The following NEURL4 variants were observed in gnomAD, a reference collection of about 807,000 sequenced individuals.
The protein encoded by NEURL4 is neuralized-like protein 4.
A neutral mutation model predicts 148.0 loss-of-function variants in NEURL4; 45 were observed. The ratio of observed to expected loss-of-function variants is 0.30; its 90% CI spans 0.24 to 0.39. NEURL4 has a LOEUF of 0.39. Ranked by LOEUF, NEURL4 falls within the 10% of genes least tolerant of loss-of-function variation. The probability of loss-of-function intolerance (pLI) is 1.00; values close to 1 mark genes in which losing one functional copy is unlikely to be tolerated. For missense variants in NEURL4, 1,776 were observed against 2,144.0 expected (o/e 0.83, Z 3.39); for synonymous variants, 854 against 869.0 (o/e 0.98, Z 0.30).
chr17:7,320,651 C>T, intron 21 of NEURL4, 108 bp downstream of exon 21: 4 of 1,001,936 alleles, frequency 4.0e-6, no homozygotes, highest in Non-Finnish European at 5.9e-6. Flanking sequence ...GAAGCTCATC[C>T]AAGTGGCTTG....
Position 7,323,806 on chromosome 17 carries a change from A to T in NEURL4, c.2261+8T>A, listed in dbSNP as rs2073063107. Reference sequence around the variant, plus strand: ...GGAAGGTGGGGACATGAAAGTTGAGAGACTGACCGGTTGGAGATGACGATG... The same window carrying T: ...GGAAGGTGGGGACATGAAAGTTGAGTGACTGACCGGTTGGAGATGACGATG... On this transcript the variant is annotated splice_region_variant and intron_variant, in intron 12 of 28. Transcript: ENST00000399464. 1 of 1,613,998 alleles carries T rather than the reference A, an allele frequency of 6.2e-7. No individual in the cohort carries two copies. Among genetic ancestry groups the T allele is most frequent in the African/African-American group, 1.3e-5 (1 of 74,928 alleles).
rs755343192 is a variant in NEURL4 at position 7,324,354 on chromosome 17, A to G, written c.1899+41T>C. 5.0e-6 allele frequency: 8 copies of G among 1,613,794 alleles called. No individual in the cohort carries two copies. Among genetic ancestry groups the G allele is most frequent in the Admixed American group, 3.3e-5 (2 of 60,000 alleles). ...CTGCATCAGCCCCGCGGTGTTTGTG[A>G]TGCCCGCTGCGGCCGCCAGGCGGCG... On this transcript the variant is annotated intron_variant, in intron 10 of 28. Transcript: ENST00000399464. The surrounding 1 kb of genome is among the most constrained non-coding windows in gnomAD (Gnocchi z 5.9).
chr17:7,317,608 G>A (rs1256172420), intron 26 of NEURL4, 35 bp from the exon 27 acceptor site: 1 of 1,595,874 alleles, frequency 6.3e-7, no homozygotes. Context: ...ATACAACGAA[G>A]GCCACTGACT....
At position 7,321,909 on chromosome 17, in the gene NEURL4, G is replaced by A. The variant is rs1028492813; in HGVS notation, c.2827C>T (p.Leu943Phe). ...CTCAGCTCCTTGGTACTGAAGACAA[G>A]GCCATGAGCATAGCCAGCGGCACGC... is the stretch of plus-strand genomic sequence containing the variant. ...AVRAAGYAHG[L>F]VFSTKELRAE... Residue 943 changes from leucine to phenylalanine, a missense_variant, in exon 17 of 29, where the codon CTT (leucine) becomes TTT (phenylalanine). Physicochemically the swap from Leu to Phe is conservative, Grantham distance 22. Transcript: ENST00000399464. This position sits in a 1 kb window ranked among gnomAD's most constrained non-coding sequence, Gnocchi z 6.3. 2 of 1,613,890 alleles carry A rather than the reference G, an allele frequency of 1.2e-6. No individual in the cohort carries two copies. Among genetic ancestry groups the A allele is most frequent in the Non-Finnish European group, 1.7e-6 (2 of 1,180,016 alleles).
intron 1 of NEURL4, 132 bp from the exon 2 acceptor site, chr17:7,328,016 T>C: frequency 1.4e-6 from 1 of 704,822 alleles, no homozygotes; most frequent in Non-Finnish European, 2.3e-6. Context: ...ATGCAGACAG[T>C]GATTTTCTGG....
chr17:7,327,100 T>C lies in NEURL4; in HGVS notation c.793+65A>G. 1 of 1,601,354 alleles carries C rather than the reference T, an allele frequency of 6.2e-7. No homozygotes were observed. Among genetic ancestry groups the C allele is most frequent in the Non-Finnish European group, 8.5e-7 (1 of 1,174,312 alleles). ...GTGCCTCTCTCCCTACCCCTTCTCC[T>C]GAGGGCCCTCCCTTGTCCACCTCAC... On this transcript the variant is annotated intron_variant, in intron 3 of 28. Transcript: ENST00000399464. The surrounding 1 kb of genome is among the most constrained non-coding windows in gnomAD (Gnocchi z 6.6).
At position 7,327,988 on chromosome 17, in the gene NEURL4, T is replaced by C. The variant is rs2073125797; in HGVS notation, c.283-104A>G. ...GACAGCTAGCTGGCTTTCTGTCTCTTGGAACACTAATCCAGAGATGCAGAC... is the reference window on the plus strand; with the variant it reads ...GACAGCTAGCTGGCTTTCTGTCTCTCGGAACACTAATCCAGAGATGCAGAC... On this transcript the variant is annotated intron_variant, in intron 1 of 28. Transcript: ENST00000399464. This position sits in a 1 kb window ranked among gnomAD's most constrained non-coding sequence, Gnocchi z 6.6. 4 of 876,616 alleles carry C rather than the reference T, an allele frequency of 4.6e-6. No individual in the cohort carries two copies. Among genetic ancestry groups the C allele is most frequent in the Non-Finnish European group, 6.8e-6 (4 of 585,168 alleles). The allele number at this position is 876,616 out of a possible 1,614,324, so 54.3% of individuals were successfully genotyped here.
At position 7,324,397 on chromosome 17, in the gene NEURL4, T is replaced by C; in HGVS notation, c.1897A>G (p.Lys633Glu). The change falls in exon 10 of 29, where the codon AAG becomes GAG. Residue 633 changes from lysine (K) to glutamate (E), a missense_variant and splice_region_variant. Coordinates refer to ENST00000399464, the MANE Select transcript of NEURL4 (RefSeq NM_032442.3). The surrounding 1 kb of genome is among the most constrained non-coding windows in gnomAD (Gnocchi z 5.9). Reference sequence around the variant, plus strand: ...AGGCGGCGCACCCACTTTCCCACCTTGAGGCGGTCCAGATTGTGCCCGTAT... The same window carrying C: ...AGGCGGCGCACCCACTTTCCCACCTCGAGGCGGTCCAGATTGTGCCCGTAT... ...DEYGHNLDRL[K>E]AGDTVGVVRR... 6.2e-7 allele frequency: 1 copy of C among 1,613,622 alleles called. No individual in the cohort carries two copies. Among genetic ancestry groups the C allele is most frequent in the Non-Finnish European group, 8.5e-7 (1 of 1,179,538 alleles).
In NEURL4 at chr17:7,321,513, A is replaced by G. The variant is rs776390991; in HGVS notation, c.3099+47T>C. On this transcript the variant is annotated intron_variant, in intron 18 of 28. Coordinates refer to ENST00000399464, the MANE Select transcript of NEURL4 (RefSeq NM_032442.3). The surrounding 1 kb of genome is among the most constrained non-coding windows in gnomAD (Gnocchi z 6.3). ...GATGTTCAGCCCACCTCTCCCTGCCACCTCCACTCCCAACCCCTCCCCTGT... is the reference window on the plus strand; with the variant it reads ...GATGTTCAGCCCACCTCTCCCTGCCGCCTCCACTCCCAACCCCTCCCCTGT... The G allele has an allele frequency of 1.2e-6, 2 of 1,611,112 alleles. No individual in the cohort carries two copies. Among genetic ancestry groups the G allele is most frequent in the Non-Finnish European group, 1.7e-6 (2 of 1,178,274 alleles).
In NEURL4 at chr17:7,324,264, C is replaced by A. The variant is rs2073071619; in HGVS notation, c.1906G>T (p.Asp636Tyr). Reference sequence around the variant, plus strand: ...TCCCGCCGTACCACGCCCACCGTGTCCCCTGCCTTGGAAGAAGGGGGTGCT... The same window carrying A: ...TCCCGCCGTACCACGCCCACCGTGTACCCTGCCTTGGAAGAAGGGGGTGCT... The part of the protein sequence containing the change: ...GHNLDRLKAG[D>Y]TVGVVRREDG... The change falls in exon 11 of 29, where the codon GAC becomes TAC. Residue 636 changes from aspartate (D) to tyrosine (Y), a missense_variant. By Grantham distance (160) the Asp-to-Tyr change is radical. Transcript: ENST00000399464. This position sits in a 1 kb window ranked among gnomAD's most constrained non-coding sequence, Gnocchi z 5.9. 6.2e-7 allele frequency: 1 copy of A among 1,613,872 alleles called. No homozygotes were observed. The highest frequency in any genetic ancestry group is 8.5e-7 in the Non-Finnish European group (1 of 1,179,960).
At position 7,324,931 on chromosome 17, in the gene NEURL4, G is replaced by C; in HGVS notation, c.1681C>G (p.Arg561Gly). 1 of 1,614,130 alleles carries C rather than the reference G, an allele frequency of 6.2e-7. No homozygotes were observed. Reference sequence around the variant, plus strand: ...CGCACCTGGAACACCTCTCCATCCCGCAGGGCTCTGCTGCTCAGCACCACG... The same window carrying C: ...CGCACCTGGAACACCTCTCCATCCCCCAGGGCTCTGCTGCTCAGCACCACG... ...HGVVLSSRAL[R>G]DGEVFQVRID... The change falls in exon 9 of 29, where the codon CGG (arginine) becomes GGG (glycine). Residue 561 changes from arginine (R) to glycine (G), a missense_variant. Coordinates refer to ENST00000399464, the MANE Select transcript of NEURL4 (RefSeq NM_032442.3). The surrounding 1 kb of genome is among the most constrained non-coding windows in gnomAD (Gnocchi z 5.9).
intron 8 of NEURL4, 29 bp downstream of exon 8, chr17:7,325,180 C>T: frequency 2.9e-6 from 2 of 691,456 alleles, no homozygotes; most frequent in Admixed American, 2.6e-5. Flanking sequence ...ATCCCTTCTT[C>T]AGGCTTCTCC....
rs186277133 is a variant in NEURL4, at chr17:7,321,484, G to A, written c.3100-25C>T. 192 of 1,613,404 alleles carry A rather than the reference G, an allele frequency of 1.2e-4. No individual in the cohort carries two copies. Among genetic ancestry groups the A allele is most frequent in the Non-Finnish European group, 1.5e-4 (177 of 1,179,508 alleles). ...CCTAGGACCGAGGTAGGACAAGGACGGACGATGTTCAGCCCACCTCTCCCT... is the reference window on the plus strand; with the variant it reads ...CCTAGGACCGAGGTAGGACAAGGACAGACGATGTTCAGCCCACCTCTCCCT... On this transcript the variant is annotated intron_variant, in intron 18 of 28. Transcript: ENST00000399464. The surrounding 1 kb of genome is among the most constrained non-coding windows in gnomAD (Gnocchi z 6.3).
In NEURL4 at chr17:7,322,261, T is replaced by G. The variant is rs2134509; in HGVS notation, c.2726-251A>C. 0.44 allele frequency among the ~76,000 whole-genome samples: 66,583 copies of G among 151,862 alleles called. 15,113 individuals carry two copies. The highest frequency in any genetic ancestry group is 0.56 in the South Asian group (2,691 of 4,820). On this transcript the variant is annotated intron_variant, in intron 16 of 28. Transcript: ENST00000399464. This position sits in a 1 kb window ranked among gnomAD's most constrained non-coding sequence, Gnocchi z 5.5. ...CAGCCTCGACTTCCTGGGATCCAGC[T>G]ATCCTCCCACCTCAGCCTCTCAAGT...
At position 7,320,812 on chromosome 17, in the gene NEURL4, T is replaced by C. The variant is rs1402171715; in HGVS notation, c.3472A>G (p.Asn1158Asp). 1 of 1,614,128 alleles carries C rather than the reference T, an allele frequency of 6.2e-7. No homozygotes were observed. Among genetic ancestry groups the C allele is most frequent in the Non-Finnish European group, 8.5e-7 (1 of 1,180,002 alleles). The change falls in exon 21 of 29, where the codon AAT becomes GAT. Residue 1158 changes from asparagine to aspartate, a missense_variant. Coordinates refer to ENST00000399464, the MANE Select transcript of NEURL4 (RefSeq NM_032442.3). ...TGGTTGATGACAACGATGCCCTGAT[T>C]GTAGCTGGCCACCCGTGTGGCCGTA... ...NRTATRVASY[N>D]QGIVVINQPL...
At position 7,318,596 on chromosome 17, in the gene NEURL4, C is replaced by A. The variant is rs1329159203; in HGVS notation, c.3763G>T (p.Gly1255Trp). Residue 1255 changes from glycine (G) to tryptophan (W), a missense_variant, in exon 23 of 29, where the codon GGG becomes TGG. Physicochemically the swap from Gly to Trp is radical, Grantham distance 184. Transcript: ENST00000399464. This position sits in a 1 kb window ranked among gnomAD's most constrained non-coding sequence, Gnocchi z 4.3. Reference sequence around the variant, plus strand: ...ACCCCATTAACATGAAGATGCAGCCCCCCAGAGCTGTCCAGCCGCAGTCCC... The same window carrying A: ...ACCCCATTAACATGAAGATGCAGCCACCCAGAGCTGTCCAGCCGCAGTCCC... The part of the protein sequence containing the change: ...ILGLRLDSSG[G>W]LHLHVNGVDQ... The A allele has an allele frequency of 6.2e-7, 1 of 1,614,076 alleles. No homozygotes were observed. The highest frequency in any genetic ancestry group is 1.7e-5 in the Admixed American group (1 of 59,998).
chr17:7,318,900 G>A lies in NEURL4; in HGVS notation c.3684+150C>T. The A allele has an allele frequency of 1.0e-6, 1 of 963,318 alleles. No homozygotes were observed. The allele number at this position is 963,318 out of a possible 1,614,324, so 59.7% of individuals were successfully genotyped here. ...GAAGCAGCAGGCCTAAGACTGACCA[G>A]GCAATGCTACTCGCCCTTGCCTGCC... On this transcript the variant is annotated intron_variant, in intron 22 of 28. Coordinates refer to ENST00000399464, the MANE Select transcript of NEURL4 (RefSeq NM_032442.3). This position sits in a 1 kb window ranked among gnomAD's most constrained non-coding sequence, Gnocchi z 4.3.
intron 26 of NEURL4, 80 bp from the exon 27 acceptor site, chr17:7,317,653 G>C: frequency 6.4e-7 from 1 of 1,558,026 alleles, no homozygotes; most frequent in Non-Finnish European, 8.8e-7. Context: ...CTCTTCCTTA[G>C]ACAGGAAGTC....
Position 7,327,048 on chromosome 17 carries a change from G to A in NEURL4, c.794-39C>T, listed in dbSNP as rs759570410. ...ATGGAAGAAGGAAGCTCGGAAGTTG[G>A]GATGAGGCTCTACACCCCCAGACCT... On this transcript the variant is annotated intron_variant, in intron 3 of 28. Coordinates refer to ENST00000399464, the MANE Select transcript of NEURL4 (RefSeq NM_032442.3). The surrounding 1 kb of genome is among the most constrained non-coding windows in gnomAD (Gnocchi z 6.6). 1.2e-6 allele frequency: 2 copies of A among 1,604,526 alleles called. No homozygotes were observed. Among genetic ancestry groups the A allele is most frequent in the Non-Finnish European group, 1.7e-6 (2 of 1,178,942 alleles).
Sources: allele counts gnomAD v4.1 joint callset (sites outside exome capture counted in the v4.1 genomes callset), GRCh38; gene constraint gnomAD v4.1.1; non-coding constraint Gnocchi (gnomAD v3.1); transcripts MANE v1.5; gene names NCBI Gene and HGNC (gene_info 2026-07-23, HGNC 2026-07-21).